The following TMEM50B variants were observed in gnomAD, a reference collection of about 807,000 sequenced individuals.
TMEM50B encodes transmembrane protein 50B, also known as HCV p7-trans-regulated protein 3.
A neutral mutation model predicts 23.4 loss-of-function variants in TMEM50B; 14 were observed. That is an observed-to-expected ratio of 0.60 (90% CI 0.39 to 0.93). TMEM50B has a LOEUF of 0.93. Among genes scored for constraint, TMEM50B ranks in the 40% least tolerant of loss-of-function variants. The pLI, the probability that TMEM50B is intolerant of heterozygous loss-of-function variation, is 0.00. For missense variants in TMEM50B, 159 were observed against 193.0 expected (o/e 0.82, Z 1.04); for synonymous variants, 64 against 62.3 (o/e 1.03, Z -0.13).
At chr21:33,437,129 T>C in intron 8 of TMEM50B, 1 of 596,286 alleles carries the variant, frequency 1.7e-6, no homozygotes, top group South Asian at 2.1e-5. Context: ...TGACAAGCTT[T>C]TTTTTTTTTT....
At chr21:33,433,939 G>A (rs1320882853) in intron 8 of TMEM50B, among the ~76,000 whole-genome samples, 1 of 152,048 alleles carries the variant, frequency 6.6e-6, no homozygotes, top group African/African-American at 2.4e-5. Flanking sequence ...TGAAGGCGGT[G>A]GAGACAGTGA....
rs544360682 is a variant in TMEM50B at position 33,477,574 on chromosome 21, C to A, written c.-42+2264G>T. ...AAAACGGGCTAGGTACGGTGGCTCA[C>A]GTCTGTAATCCCAGCACTTTGGGAG... On this transcript the variant is annotated intron_variant, in intron 1 of 6. Coordinates refer to ENST00000542230, the MANE Select transcript of TMEM50B (RefSeq NM_006134.7). Among the ~76,000 whole-genome samples the A allele has an allele frequency of 1.8e-4, 27 of 149,594 alleles. No individual in the cohort carries two copies. The South Asian group carries it at 5.5e-3, about 30-fold the overall frequency.
At chr21:33,446,616 T>A, downstream of TMEM50B, among the ~76,000 whole-genome samples, 2 of 104,316 alleles carry the variant, frequency 1.9e-5, no homozygotes, top group South Asian at 3.5e-4. Flanking sequence ...ATTGACACCC[T>A]CCTCCTAAAG....
downstream of TMEM50B, among the ~76,000 whole-genome samples, chr21:33,446,157 A>ATTCCCTGTGTTCTATCTATTC (rs2084050953): frequency 6.6e-6 from 1 of 152,124 alleles, no homozygotes; most frequent in East Asian, 1.9e-4. Flanking sequence ...CCTTTTGTTA[A>ATTCCCTGTGTTCTATCTATTC]TTCCCTGTGT....
At chr21:33,464,422 A>T (rs564707959) in intron 4 of TMEM50B, among the ~76,000 whole-genome samples, 1 of 148,736 alleles carries the variant, frequency 6.7e-6, no homozygotes, top group South Asian at 2.1e-4. Context: ...CTGGTCTCGA[A>T]CTCCTGACCT....
chr21:33,451,605 C>T (rs759177131), intron 6 of TMEM50B, among the ~76,000 whole-genome samples: 1 of 151,778 alleles, frequency 6.6e-6, no homozygotes, highest in Non-Finnish European at 1.5e-5. Context: ...GATAAGGAGG[C>T]GGGAGCAGAG....
At chr21:33,451,742 A>T (rs2084122592) in intron 6 of TMEM50B, among the ~76,000 whole-genome samples, 1 of 152,132 alleles carries the variant, frequency 6.6e-6, no homozygotes, top group Non-Finnish European at 1.5e-5. Context: ...CTGGAAAGGG[A>T]CATCTGTGAC....
At chr21:33,472,669 G>C (rs960373364) in intron 1 of TMEM50B, among the ~76,000 whole-genome samples, 25 of 152,182 alleles carry the variant, frequency 1.6e-4, no homozygotes, top group African/African-American at 4.8e-4. Flanking sequence ...CTGAGGTCAG[G>C]AGTTCGAGAC....
intron 8 of TMEM50B, chr21:33,437,033 T>G (rs1054996913): frequency 7.7e-6 from 12 of 1,548,562 alleles, no homozygotes; most frequent in African/African-American, 5.4e-5. Flanking sequence ...GAGTTCTGTC[T>G]GGACTTTCCA....
intron 7 of TMEM50B, among the ~76,000 whole-genome samples, chr21:33,440,298 A>T (rs1046608715): frequency 3.3e-5 from 5 of 152,118 alleles, no homozygotes; most frequent in Admixed American, 6.6e-5. Context: ...ATTAGAACCC[A>T]GAAGGTAAGC....
At chr21:33,436,466 TA>T (rs1326696086) in intron 8 of TMEM50B, among the ~76,000 whole-genome samples, 1 of 151,882 alleles carries the variant, frequency 6.6e-6, no homozygotes, top group African/African-American at 2.4e-5. Context: ...CTCACGCCTA[TA>T]ATCCCAGCAC....
At chr21:33,457,071 A>T (rs954031636) in intron 5 of TMEM50B, among the ~76,000 whole-genome samples, 1 of 152,040 alleles carries the variant, frequency 6.6e-6, no homozygotes, top group Non-Finnish European at 1.5e-5. Flanking sequence ...CCTGGCCAAC[A>T]TGGGGAAACC....
chr21:33,466,679 C>A (rs946346312), intron 3 of TMEM50B, among the ~76,000 whole-genome samples: 4 of 152,032 alleles, frequency 2.6e-5, no homozygotes, highest in African/African-American at 9.7e-5. Context: ...TAAGATACCA[C>A]TGACTGTAAG....
chr21:33,458,924 G>A (rs1430812089), intron 5 of TMEM50B, among the ~76,000 whole-genome samples: 2 of 152,150 alleles, frequency 1.3e-5, no homozygotes. Context: ...TGTATCAAGT[G>A]AAAGACAAAA....
chr21:33,440,492 CGAAGG>C (rs2123393167), intron 7 of TMEM50B, among the ~76,000 whole-genome samples: 1 of 142,480 alleles, frequency 7.0e-6, no homozygotes, highest in Non-Finnish European at 1.5e-5. Context: ...GGAGGCTGAG[CGAAGG>C]GAATTGCTTG....
intron 6 of TMEM50B, among the ~76,000 whole-genome samples, chr21:33,454,994 G>A (rs1601117107): frequency 6.6e-6 from 1 of 152,214 alleles, no homozygotes; most frequent in East Asian, 1.9e-4. Context: ...GTGTGCACCT[G>A]TAGTCCCACC....
intron 4 of TMEM50B, among the ~76,000 whole-genome samples, chr21:33,462,879 A>G (rs1441846088): frequency 6.6e-5 from 10 of 152,272 alleles, no homozygotes; most frequent in Admixed American, 6.5e-4. Context: ...ATGCGCATAC[A>G]CACACATATT....
At position 33,449,648 on chromosome 21, in the gene TMEM50B, G is replaced by A. The variant is rs138772029; in HGVS notation, c.*1170C>T. The A allele has an allele frequency of 5.3e-5, 8 of 152,304 alleles. No individual in the cohort carries two copies. The highest frequency in any genetic ancestry group is 3.9e-4 in the Admixed American group (6 of 15,302). The allele number at this position is 152,304 out of a possible 1,614,324, so 9.4% of individuals were successfully genotyped here. On this transcript the variant is annotated 3_prime_UTR_variant, in exon 7 of 7. Coordinates refer to ENST00000542230, the MANE Select transcript of TMEM50B (RefSeq NM_006134.7). Reference sequence around the variant, plus strand: ...CTAGAGCGAGGAGAGACTTGCAGTCGGTAACTGAGTAGATGAAATGCATAA... The same window carrying A: ...CTAGAGCGAGGAGAGACTTGCAGTCAGTAACTGAGTAGATGAAATGCATAA...
intron 1 of TMEM50B, among the ~76,000 whole-genome samples, chr21:33,472,483 T>C (rs2084327044): frequency 6.6e-6 from 1 of 151,976 alleles, no homozygotes; most frequent in Non-Finnish European, 1.5e-5. Flanking sequence ...AATTATCCAA[T>C]TTAGAGACCT....
Sources: allele counts gnomAD v4.1 joint callset (sites outside exome capture counted in the v4.1 genomes callset), GRCh38; gene constraint gnomAD v4.1.1; transcripts MANE v1.5; gene names NCBI Gene and HGNC (gene_info 2026-07-23, HGNC 2026-07-21).